Variants in MEGF8 observed in about 807,000 individuals in gnomAD.
The protein encoded by MEGF8 is multiple EGF like domains 8.
In MEGF8, 156 loss-of-function variants were observed where a neutral mutation model predicts 302.9. The observed-to-expected ratio is 0.52, with a 90% CI of 0.45 to 0.59. MEGF8 has a LOEUF of 0.59. MEGF8 is among the 20% of genes least tolerant of loss of function. MEGF8 has a pLI of 0.00. For missense variants in MEGF8, 3,345 were observed against 3,964.5 expected (o/e 0.84, Z 4.20); for synonymous variants, 1,621 against 1,660.5 (o/e 0.98, Z 0.58).
Position 42,376,460 on chromosome 19 carries a change from T to G in MEGF8, c.8223T>G (p.Gly2741=), listed in dbSNP as rs750507989. The G allele has an allele frequency of 5.6e-6, 9 of 1,609,082 alleles. No individual in the cohort carries two copies. The Admixed American group carries it at 8.4e-5, about 15-fold the overall frequency. Residue 2741 remains glycine, a synonymous_variant, in exon 42 of 42, where the codon GGT becomes GGG. Coordinates refer to ENST00000251268, the MANE Select transcript of MEGF8 (RefSeq NM_001271938.2). The surrounding 1 kb of genome is among the most constrained non-coding windows in gnomAD (Gnocchi z 8.2). ...FLAPLLLTGA[G]GPWGPMGGGC... Reference sequence around the variant, plus strand: ...CACCCCTGCTGCTGACAGGGGCCGGTGGGCCCTGGGGACCCATGGGAGGGG... The same window carrying G: ...CACCCCTGCTGCTGACAGGGGCCGGGGGGCCCTGGGGACCCATGGGAGGGG...
intron 1 of MEGF8, among the ~76,000 whole-genome samples, chr19:42,329,319 T>C (rs528812420): frequency 3.4e-4 from 52 of 152,190 alleles, no homozygotes; most frequent in Non-Finnish European, 4.0e-4. Context: ...GACTGGAGAC[T>C]TGATGAGCTG....
chr19:42,352,572 A>G lies in MEGF8; in HGVS notation c.3350+116A>G, dbSNP rs1027021383. 1.7e-5 allele frequency: 23 copies of G among 1,352,716 alleles called. No homozygotes were observed. In the African/African-American group the frequency reaches 3.1e-4, roughly 18 times the overall value. 83.8% of individuals were successfully genotyped at this position (1,352,716 alleles called of 1,614,324 possible). A position where few individuals can be genotyped will look rare whatever the true frequency, so the allele number is the denominator to read the frequency against. ...TCCTGTGGAACCAGCATCCCCAGTT[A>G]GCCAGGGGTTTTTACCTTGCACACT... On this transcript the variant is annotated intron_variant, in intron 19 of 41. Transcript: ENST00000251268. The surrounding 1 kb of genome is among the most constrained non-coding windows in gnomAD (Gnocchi z 4.4).
At chr19:42,338,430 C>T (rs936347930) in intron 8 of MEGF8, among the ~76,000 whole-genome samples, 7 of 152,104 alleles carry the variant, frequency 4.6e-5, no homozygotes, top group East Asian at 1.9e-4. Flanking sequence ...TTAGTAGAGA[C>T]GAGGTTTTGC....
chr19:42,356,601 G>A lies in MEGF8; in HGVS notation c.4622+148G>A, dbSNP rs548641747. 1,545 of 933,246 alleles carry A rather than the reference G, an allele frequency of 1.7e-3. 21 individuals carry two copies. In the South Asian group the frequency reaches 0.019, roughly 12 times the overall value. 57.8% of individuals were successfully genotyped at this position (933,246 alleles called of 1,614,324 possible). On this transcript the variant is annotated intron_variant, in intron 26 of 41. Transcript: ENST00000251268. This position sits in a 1 kb window ranked among gnomAD's most constrained non-coding sequence, Gnocchi z 5.2. ...GACACTTGTCACAGGAAGCTCACCCGGGGACACTTGGGGACCAGGGTACTT... is the reference window on the plus strand; with the variant it reads ...GACACTTGTCACAGGAAGCTCACCCAGGGACACTTGGGGACCAGGGTACTT...
Position 42,354,582 on chromosome 19 carries a change from C to G in MEGF8, c.4012-6C>G, listed in dbSNP as rs753867007. On this transcript the variant is annotated splice_region_variant and splice_polypyrimidine_tract_variant and intron_variant, in intron 22 of 41. Coordinates refer to ENST00000251268, the MANE Select transcript of MEGF8 (RefSeq NM_001271938.2). The surrounding 1 kb of genome is among the most constrained non-coding windows in gnomAD (Gnocchi z 4.3). ...TCTCCTAATCCTCGATTCTGCACCC[C>G]TCTAGCTGAGCTACGTCCTGGCGTT... 1.4e-5 allele frequency: 23 copies of G among 1,610,930 alleles called. No homozygotes were observed. The Admixed American group carries it at 3.8e-4, about 27-fold the overall frequency.
At chr19:42,340,322 G>A (rs2039194046) in intron 8 of MEGF8, among the ~76,000 whole-genome samples, 2 of 151,966 alleles carry the variant, frequency 1.3e-5, no homozygotes, top group Non-Finnish European at 2.9e-5. Context: ...CTCTGCCTCC[G>A]AGGTTCAAGC....
Position 42,348,598 on chromosome 19 carries a change from T to C in MEGF8, c.2298+126T>C, listed in dbSNP as rs907103575. 6.4e-6 allele frequency: 6 copies of C among 937,970 alleles called. No individual in the cohort carries two copies. The South Asian group carries it at 8.9e-5, about 14-fold the overall frequency. The allele number at this position is 937,970 out of a possible 1,614,324, so 58.1% of individuals were successfully genotyped here. On this transcript the variant is annotated intron_variant, in intron 13 of 41. Transcript: ENST00000251268. ...CTGGGGAGAAATTAGAGGCAGGAGA[T>C]GGATTTTTTGTGTGTGTGTAAGACA...
intron 41 of MEGF8, among the ~76,000 whole-genome samples, chr19:42,373,230 C>G (rs902446733): frequency 2.0e-5 from 3 of 151,516 alleles, no homozygotes; most frequent in Admixed American, 1.3e-4. Flanking sequence ...GTAGCTGGGA[C>G]TACAGGCACG....
rs2039423860 is a variant in MEGF8, at chr19:42,354,537, T to C, written c.4012-51T>C. The C allele has an allele frequency of 6.4e-7, 1 of 1,572,228 alleles. No individual in the cohort carries two copies. The highest frequency in any genetic ancestry group is 8.7e-7 in the Non-Finnish European group (1 of 1,154,712). ...ACCCCTCCTCCTCCCAGACCCCAGG[T>C]GTCGTTCTCATCCTCATTGTCTCCT... is the stretch of plus-strand genomic sequence containing the variant. On this transcript the variant is annotated intron_variant, in intron 22 of 41. Coordinates refer to ENST00000251268, the MANE Select transcript of MEGF8 (RefSeq NM_001271938.2). The surrounding 1 kb of genome is among the most constrained non-coding windows in gnomAD (Gnocchi z 4.3).
intron 13 of MEGF8, among the ~76,000 whole-genome samples, 154 bp from the exon 14 acceptor site, chr19:42,349,345 G>A (rs192856638): frequency 1.8e-3 from 269 of 151,900 alleles, no homozygotes; most frequent in Admixed American, 3.2e-3. Context: ...GGGTCCCTGG[G>A]GGTCTCACCT....
intron 12 of MEGF8, among the ~76,000 whole-genome samples, chr19:42,347,252 G>A (rs886153013): frequency 5.3e-5 from 8 of 150,814 alleles, no homozygotes; most frequent in East Asian, 1.9e-4. Context: ...AACATTATAC[G>A]ACTGCTTCCT....
Position 42,353,257 on chromosome 19 carries a change from T to C in MEGF8, c.3550+130T>C, listed in dbSNP as rs773799944. The C allele has an allele frequency of 1.8e-5, 19 of 1,048,760 alleles. No individual in the cohort carries two copies. The highest frequency in any genetic ancestry group is 2.3e-5 in the Non-Finnish European group (17 of 738,088). The allele number at this position is 1,048,760 out of a possible 1,614,324, so 65.0% of individuals were successfully genotyped here. A position where few individuals can be genotyped will look rare whatever the true frequency, so the allele number is the denominator to read the frequency against. On this transcript the variant is annotated intron_variant, in intron 20 of 41. Transcript: ENST00000251268. The surrounding 1 kb of genome is among the most constrained non-coding windows in gnomAD (Gnocchi z 6.1). ...AGCTCTAGGTCCCCTGCCCCATTCC[T>C]GTTCCTGACTCAAACAGGTTTCAGT...
Position 42,375,565 on chromosome 19 carries a change from G to T in MEGF8, c.7328G>T (p.Arg2443Leu). ...GSPLGGQQCY[R>L]LISVEQECCL... ...CCGCTGGGCGGCCAGCAGTGCTACC[G>T]CCTCATCTCGGTGGAGCAGGAGTGC... is the stretch of plus-strand genomic sequence containing the variant. Residue 2443 changes from arginine to leucine, a missense_variant, in exon 42 of 42, where the codon CGC becomes CTC. Transcript: ENST00000251268. This position sits in a 1 kb window ranked among gnomAD's most constrained non-coding sequence, Gnocchi z 7.1. 6.3e-7 allele frequency: 1 copy of T among 1,596,224 alleles called. No individual in the cohort carries two copies. Among genetic ancestry groups the T allele is most frequent in the Non-Finnish European group, 8.5e-7 (1 of 1,172,342 alleles).
chr19:42,327,073 C>G (rs559212717), intron 1 of MEGF8, among the ~76,000 whole-genome samples: 10 of 152,306 alleles, frequency 6.6e-5, no homozygotes, highest in African/African-American at 2.4e-4. Context: ...CCTTCCCCCA[C>G]AAATGGGATA....
rs955021153 is a variant in MEGF8 at position 42,351,483 on chromosome 19, G to T, written c.2910G>T (p.Gln970His). The stretch of plus-strand genomic sequence containing the variant: ...ACTCTAGCCAGTGCGCCTGGTGCCA[G>T]TCCACCCACACCTGCTTCCTGTTTG... ...LANSSQCAWC[Q>H]STHTCFLFAA... The change falls in exon 17 of 42, where the codon CAG becomes CAT. Residue 970 changes from glutamine (Q) to histidine (H), a missense_variant. Physicochemically the swap from Gln to His is conservative, Grantham distance 24 (BLOSUM62 0). Transcript: ENST00000251268. This position sits in a 1 kb window ranked among gnomAD's most constrained non-coding sequence, Gnocchi z 5.6. 1.2e-6 allele frequency: 2 copies of T among 1,604,388 alleles called. No individual in the cohort carries two copies. Among genetic ancestry groups the T allele is most frequent in the Non-Finnish European group, 1.7e-6 (2 of 1,176,038 alleles).
intron 12 of MEGF8, among the ~76,000 whole-genome samples, chr19:42,345,258 C>T (rs561963280): frequency 1.3e-4 from 20 of 152,350 alleles, no homozygotes; most frequent in Non-Finnish European, 2.5e-4. Context: ...AGGCATGAGC[C>T]GCTGTGCCTG....
chr19:42,347,001 A>G (rs1406202862), intron 12 of MEGF8, among the ~76,000 whole-genome samples: 6 of 150,434 alleles, frequency 4.0e-5, no homozygotes, highest in East Asian at 1.9e-4. Context: ...AAAAAAAAAA[A>G]AAAAGAAAAA....
At chr19:42,350,468 G>T in intron 15 of MEGF8, 84 bp downstream of exon 15, 1 of 1,275,814 alleles carries the variant, frequency 7.8e-7, no homozygotes. Context: ...CCTGGTGGGG[G>T]GTGTGGGGGA....
chr19:42,370,802 C>A lies in MEGF8; in HGVS notation c.7107C>A (p.Gly2369=). 2 of 1,309,106 alleles carry A rather than the reference C, an allele frequency of 1.5e-6. No homozygotes were observed. The highest frequency in any genetic ancestry group is 1.1e-6 in the Non-Finnish European group (1 of 940,694). 81.1% of individuals were successfully genotyped at this position (1,309,106 alleles called of 1,614,324 possible). Residue 2369 remains glycine (G), a synonymous_variant, in exon 40 of 42, where the codon GGC becomes GGA. Coordinates refer to ENST00000251268, the MANE Select transcript of MEGF8 (RefSeq NM_001271938.2). The part of the protein sequence containing the change: ...YGEKCESCLQ[G]YFLLDGKCTK... ...AGAAATGCGAGAGCTGCCTGCAGGGCTACTTCCTCCTGGACGGGAAGTGCA... is the reference window on the plus strand; with the variant it reads ...AGAAATGCGAGAGCTGCCTGCAGGGATACTTCCTCCTGGACGGGAAGTGCA...
Sources: gnomAD v4.1 joint callset for allele counts (sites outside exome capture counted in the v4.1 genomes callset) on GRCh38, gnomAD v4.1.1 for gene constraint, Gnocchi (gnomAD v3.1) non-coding constraint, MANE v1.5 for transcripts, NCBI Gene and HGNC (gene_info 2026-07-23, HGNC 2026-07-21) for gene names.